Variants in RUVBL1 observed in about 807,000 individuals in gnomAD.
RUVBL1 encodes the protein ruvB-like 1.
In RUVBL1, 4 loss-of-function variants were observed where a neutral mutation model predicts 52.4. That is an observed-to-expected ratio of 0.08 (90% CI 0.04 to 0.17). The LOEUF (loss-of-function observed/expected upper bound fraction) is 0.17. Ranked by LOEUF, RUVBL1 falls within the 10% of genes least tolerant of loss-of-function variation. The pLI is 1.00. For synonymous variants in RUVBL1, 217 were observed against 214.4 expected (o/e 1.01, Z -0.10); for missense variants, 298 against 572.8 (o/e 0.52, Z 4.90).
upstream of RUVBL1, among the ~76,000 whole-genome samples, chr3:128,127,697 G>T (rs1576482221): frequency 6.6e-6 from 1 of 152,266 alleles, no homozygotes; most frequent in East Asian, 1.9e-4. Context: ...CCCAAGTAAT[G>T]ATTAAATGTT....
Position 128,100,598 on chromosome 3 carries a change from G to T in RUVBL1, c.750C>A (p.Pro250=). The stretch of plus-strand genomic sequence containing the variant: ...CACCCAGGCATCGAGGCAGTACCTG[G>T]GGCCGCGCATTAGCCACATCCAAGT... ...LHDLDVANAR[P]QGGQDILSMM... is the part of the protein sequence containing the mutation. Residue 250 remains proline, a synonymous_variant, in exon 6 of 11, where the codon CCC becomes CCA. Coordinates refer to ENST00000322623, the MANE Select transcript of RUVBL1 (RefSeq NM_003707.3). The T allele has an allele frequency of 1.2e-6, 2 of 1,606,562 alleles. No individual in the cohort carries two copies. The highest frequency in any genetic ancestry group is 1.7e-6 in the Non-Finnish European group (2 of 1,176,958).
At chr3:128,068,090 C>A in intron 9 of RUVBL1, 1 of 1,562,644 alleles carries the variant, frequency 6.4e-7, no homozygotes, top group Non-Finnish European at 8.8e-7. Flanking sequence ...CCCAACCTCC[C>A]GTCTGTGGAC....
At chr3:128,073,169 T>G (rs553338270) in intron 9 of RUVBL1, among the ~76,000 whole-genome samples, 13 of 152,260 alleles carry the variant, frequency 8.5e-5, no homozygotes, top group African/African-American at 2.9e-4. Context: ...TGCAGGTACT[T>G]CTGCTAGGGA....
chr3:128,123,779 C>G lies in RUVBL1; in HGVS notation c.-55G>C. ...TGGAAAACCAGCAGCTAGGACAGTG[C>G]GCCCGGCGCCTGAGTTACCATGCGG... On this transcript the variant is annotated 5_prime_UTR_variant, in exon 1 of 11. Transcript: ENST00000322623. The G allele has an allele frequency of 6.5e-7, 1 of 1,527,040 alleles. No homozygotes were observed. The highest frequency in any genetic ancestry group is 1.8e-5 in the Admixed American group (1 of 54,780). 94.6% of individuals were successfully genotyped at this position (1,527,040 alleles called of 1,614,324 possible).
exon 10 of RUVBL1, chr3:128,065,191 T>A: frequency 1.2e-6 from 1 of 851,564 alleles, no homozygotes; most frequent in Non-Finnish European, 2.0e-6. Flanking sequence ...CCAGATGAGC[T>A]GGACAAGCAT....
At chr3:128,140,864 A>C (rs1576489048) in intron 1 of RUVBL1, among the ~76,000 whole-genome samples, 1 of 152,246 alleles carries the variant, frequency 6.6e-6, no homozygotes, top group Non-Finnish European at 1.5e-5. Context: ...ACTAGTATAT[A>C]TACCATCTAG....
chr3:128,144,460 T>C (rs1477921313), intron 1 of RUVBL1, among the ~76,000 whole-genome samples: 1 of 152,212 alleles, frequency 6.6e-6, no homozygotes, highest in Admixed American at 6.5e-5. Flanking sequence ...ATCGCAGTTC[T>C]GCAGGCTGTT....
intron 1 of RUVBL1, among the ~76,000 whole-genome samples, chr3:128,144,441 T>C (rs1395126337): frequency 6.6e-6 from 1 of 152,170 alleles, no homozygotes; most frequent in Non-Finnish European, 1.5e-5. Flanking sequence ...GAAGAACAAA[T>C]CCCAAATAAT....
In RUVBL1 at chr3:128,067,897, C is replaced by T. The variant is rs759865493; in HGVS notation, c.940-2677G>A. 21 of 1,035,524 alleles carry T rather than the reference C, an allele frequency of 2.0e-5. No individual in the cohort carries two copies. The highest frequency in any genetic ancestry group is 7.7e-5 in the South Asian group (6 of 78,130). 64.1% of individuals were successfully genotyped at this position (1,035,524 alleles called of 1,614,324 possible). On this transcript the variant is annotated intron_variant, in intron 9 of 9. Transcript: ENST00000464873. The surrounding 1 kb of genome is among the most constrained non-coding windows in gnomAD (Gnocchi z 4.1). ...TGAATATTGTCAGTGCTCGAAGAGG[C>T]GATCTGTAACTGTTCAGTACCACTT...
downstream of RUVBL1, among the ~76,000 whole-genome samples, chr3:128,076,829 G>T (rs1037316854): frequency 6.6e-6 from 1 of 152,078 alleles, no homozygotes; most frequent in African/African-American, 2.4e-5. The surrounding 1 kb of genome is among the most constrained non-coding windows in gnomAD (Gnocchi z 6.8). Flanking sequence ...TGCCGTGTGC[G>T]GCGTCCCAGC....
chr3:128,108,934 G>A (rs940242914), intron 3 of RUVBL1, among the ~76,000 whole-genome samples: 1 of 152,076 alleles, frequency 6.6e-6, no homozygotes, highest in Non-Finnish European at 1.5e-5. Context: ...AGATATAGAC[G>A]CTGAGCTAAA....
intron 1 of RUVBL1, among the ~76,000 whole-genome samples, chr3:128,146,122 T>C (rs1044942551): frequency 1.3e-5 from 2 of 152,048 alleles, no homozygotes; most frequent in African/African-American, 4.8e-5. Context: ...GACGTGACAG[T>C]TGAACTTGGA....
chr3:128,074,877 A>G (rs1942265536), intron 9 of RUVBL1, among the ~76,000 whole-genome samples: 1 of 151,518 alleles, frequency 6.6e-6, no homozygotes, highest in South Asian at 2.1e-4. Context: ...TTAAAAAACC[A>G]TAATCAAGTA....
intron 2 of RUVBL1, among the ~76,000 whole-genome samples, chr3:128,118,377 TC>T (rs1943573354): frequency 6.6e-6 from 1 of 152,260 alleles, no homozygotes; most frequent in Non-Finnish European, 1.5e-5. Context: ...CAAGTCATTA[TC>T]TTACAATCGA....
chr3:128,145,203 C>T (rs769998757), intron 1 of RUVBL1, among the ~76,000 whole-genome samples: 3 of 152,190 alleles, frequency 2.0e-5, no homozygotes, highest in Non-Finnish European at 4.4e-5. Context: ...GTGCTATAGA[C>T]ATACCAATTC....
rs1157628913 is a variant in RUVBL1 at position 128,082,433 on chromosome 3, G to A, written c.1211+50C>T. 1 of 1,380,114 alleles carries A rather than the reference G, an allele frequency of 7.2e-7. No homozygotes were observed. The allele number at this position is 1,380,114 out of a possible 1,614,324, so 85.5% of individuals were successfully genotyped here. ...TATTGTCCAGAATGACCCCAGCGAGGGCCCTGGCTGTGCTGGGGAGGCCCC... is the reference window on the plus strand; with the variant it reads ...TATTGTCCAGAATGACCCCAGCGAGAGCCCTGGCTGTGCTGGGGAGGCCCC... On this transcript the variant is annotated intron_variant, in intron 10 of 10. Transcript: ENST00000322623. The surrounding 1 kb of genome is among the most constrained non-coding windows in gnomAD (Gnocchi z 4.7).
chr3:128,066,475 T>C (rs1576424822), intron 9 of RUVBL1: 1 of 159,518 alleles, frequency 6.3e-6, no homozygotes, highest in African/African-American at 2.4e-5. Flanking sequence ...TAGGCTGGAA[T>C]GCAGTGGCAT....
chr3:128,118,625 C>T (rs1943577926), intron 2 of RUVBL1, among the ~76,000 whole-genome samples: 1 of 152,182 alleles, frequency 6.6e-6, no homozygotes, highest in Non-Finnish European at 1.5e-5. Flanking sequence ...TCACGAATCC[C>T]AAGAAGCCAC....
intron 1 of RUVBL1, among the ~76,000 whole-genome samples, chr3:128,150,793 ATATATTATATATTCTATATAT>A (rs1944179938): frequency 1.2e-5 from 1 of 80,632 alleles, no homozygotes; most frequent in African/African-American, 4.8e-5. Flanking sequence ...TATATATTCT[ATATATTATATATTCTATATAT>A]TATATATTCT....
Sources: gnomAD v4.1 joint callset for allele counts (sites outside exome capture counted in the v4.1 genomes callset) on GRCh38, gnomAD v4.1.1 for gene constraint, Gnocchi (gnomAD v3.1) non-coding constraint, MANE v1.5 for transcripts, NCBI Gene and HGNC (gene_info 2026-07-23, HGNC 2026-07-21) for gene names.